The following EPHA6 variants were observed in gnomAD, a reference collection of about 807,000 sequenced individuals.
EPHA6 encodes EPH receptor A6.
Under a neutral mutation model 112.0 loss-of-function variants are expected in EPHA6, and 50 were observed. The observed-to-expected ratio is 0.45, with a 90% CI of 0.36 to 0.56. The LOEUF is 0.56. EPHA6 is among the 20% of genes least tolerant of loss of function. The probability of loss-of-function intolerance (pLI) is 0.00; values close to 1 mark genes in which losing one functional copy is unlikely to be tolerated. For missense variants in EPHA6, 1,280 were observed against 1,417.4 expected (o/e 0.90, Z 1.56); for synonymous variants, 529 against 490.7 (o/e 1.08, Z -1.03).
rs559007964 is a variant in EPHA6, at chr3:97,085,272, A to C, written c.1114+97279A>C. On this transcript the variant is annotated intron_variant, in intron 3 of 17. Transcript: ENST00000389672. Reference sequence around the variant, plus strand: ...CTTTAAACATCATTTCATGAACTCAATGTTAGGAAATGTGTGTCCTCTTCT... The same window carrying C: ...CTTTAAACATCATTTCATGAACTCACTGTTAGGAAATGTGTGTCCTCTTCT... Among the ~76,000 whole-genome samples the C allele has an allele frequency of 2.6e-5, 4 of 152,268 alleles. No individual in the cohort carries two copies. In the South Asian group the frequency reaches 6.2e-4, roughly 24 times the overall value.
At chr3:97,014,688 T>C (rs530606149) in intron 3 of EPHA6, among the ~76,000 whole-genome samples, 2 of 152,320 alleles carry the variant, frequency 1.3e-5, no homozygotes, top group African/African-American at 4.8e-5. Context: ...TACCTACTAA[T>C]GAAACATTGA....
intron 3 of EPHA6, among the ~76,000 whole-genome samples, chr3:97,094,197 A>G (rs1273475052): frequency 6.6e-6 from 1 of 152,106 alleles, no homozygotes; most frequent in Admixed American, 6.6e-5. Context: ...TATGTTGATT[A>G]TGTTATGTTT....
intron 6 of EPHA6, chr3:97,441,339 C>A: frequency 2.4e-6 from 1 of 418,976 alleles, no homozygotes; most frequent in Non-Finnish European, 3.2e-6. Flanking sequence ...TTGAGAAAAA[C>A]ATAAAATTCA....
intron 14 of EPHA6, among the ~76,000 whole-genome samples, chr3:97,664,922 C>T (rs1022335717): frequency 1.8e-4 from 28 of 152,230 alleles, no homozygotes; most frequent in African/African-American, 5.5e-4. Context: ...CAATGCCAAC[C>T]CCATCAAGCT....
intron 5 of EPHA6, among the ~76,000 whole-genome samples, chr3:97,273,708 C>T (rs1255471967): frequency 6.6e-6 from 1 of 152,094 alleles, no homozygotes; most frequent in East Asian, 1.9e-4. Flanking sequence ...ATACCAAGAG[C>T]CTGAAAAACT....
chr3:97,205,930 C>T (rs2077703413), intron 3 of EPHA6, among the ~76,000 whole-genome samples: 1 of 151,994 alleles, frequency 6.6e-6, no homozygotes, highest in African/African-American at 2.4e-5. Flanking sequence ...AGAATAAATT[C>T]AGACTTACAG....
At chr3:97,428,482 T>C (rs1313239449) in intron 6 of EPHA6, among the ~76,000 whole-genome samples, 1 of 152,224 alleles carries the variant, frequency 6.6e-6, no homozygotes, top group East Asian at 1.9e-4. Flanking sequence ...CTAGTCTCAC[T>C]AGATGTTTTA....
At chr3:97,387,377 C>A (rs762261107) in intron 5 of EPHA6, among the ~76,000 whole-genome samples, 1 of 150,224 alleles carries the variant, frequency 6.7e-6, no homozygotes, top group South Asian at 2.1e-4. Flanking sequence ...CCAGGCAACA[C>A]CTTGAATGCC....
intron 5 of EPHA6, among the ~76,000 whole-genome samples, chr3:97,299,796 G>T (rs1302658138): frequency 6.6e-6 from 1 of 152,094 alleles, no homozygotes; most frequent in Non-Finnish European, 1.5e-5. Context: ...TGAAACCCAG[G>T]ATAAAAATTG....
chr3:96,987,886 A>C lies in EPHA6; in HGVS notation c.1007A>C (p.Glu336Ala), dbSNP rs770574776. The change falls in exon 3 of 18, where the codon GAG (glutamate) becomes GCG (alanine). Residue 336 changes from glutamate (E) to alanine (A), a missense_variant. Glu to Ala is a moderately radical substitution (Grantham distance 107). This residue lies in a region of EPHA6 where 878 missense variants were observed against 999.7 expected (regional missense o/e 0.88). Transcript: ENST00000389672. Reference protein sequence around the residue: ...VRGSCVKSAEERDTPKLYCGA... With the variant: ...VRGSCVKSAEARDTPKLYCGA... ...GGTTCTTGTGTGAAGAGTGCTGAAGAGCGTGACACTCCTAAACTGTATTGT... is the reference window on the plus strand; with the variant it reads ...GGTTCTTGTGTGAAGAGTGCTGAAGCGCGTGACACTCCTAAACTGTATTGT... 1 of 1,613,826 alleles carries C rather than the reference A, an allele frequency of 6.2e-7. No individual in the cohort carries two copies. The highest frequency in any genetic ancestry group is 8.5e-7 in the Non-Finnish European group (1 of 1,179,834).
intron 11 of EPHA6, among the ~76,000 whole-genome samples, chr3:97,550,451 G>A (rs188044446): frequency 1.9e-4 from 29 of 152,244 alleles, no homozygotes; most frequent in Admixed American, 1.8e-3. Context: ...CCATATTAAA[G>A]TGGTGTCTCT....
At chr3:97,248,791 G>T (rs762550932) in intron 5 of EPHA6, among the ~76,000 whole-genome samples, 15 of 152,020 alleles carry the variant, frequency 9.9e-5, no homozygotes, top group Non-Finnish European at 2.9e-5. Flanking sequence ...ATCAACAAAA[G>T]TCTCTATATA....
intron 3 of EPHA6, among the ~76,000 whole-genome samples, chr3:97,180,981 A>C (rs113733474): frequency 0.015 from 2,227 of 152,060 alleles, 26 homozygotes; most frequent in Non-Finnish European, 0.022. Context: ...CTACCTTTCA[A>C]GTTTACTTGG....
intron 3 of EPHA6, among the ~76,000 whole-genome samples, chr3:97,047,238 T>G (rs536297948): frequency 6.6e-6 from 1 of 151,964 alleles, no homozygotes; most frequent in African/African-American, 2.4e-5. Context: ...CAGTGGCTCA[T>G]GCCTGTAATC....
chr3:97,348,784 G>A (rs1030811288), intron 5 of EPHA6, among the ~76,000 whole-genome samples: 3 of 152,010 alleles, frequency 2.0e-5, no homozygotes, highest in African/African-American at 7.2e-5. Context: ...GATAGTCTGG[G>A]AGCATAGACA....
Position 97,187,688 on chromosome 3 carries a change from G to GGAAAAGAAA in EPHA6, c.1115-38572_1115-38571insAGAAAGAAA, listed in dbSNP as rs1553718538. On this transcript the variant is annotated intron_variant, in intron 3 of 17. Transcript: ENST00000389672. ...GAAAGAAAGAAAGAGAAAGAAAGAA[G>GGAAAAGAAA]GAAAGAAAGAAAGAAAGAAAGAAAG... 2.8e-5 allele frequency among the ~76,000 whole-genome samples: 3 copies of GGAAAAGAAA among 108,076 alleles called. No individual in the cohort carries two copies. In the East Asian group the frequency reaches 8.4e-4, roughly 30 times the overall value. The allele number at this position is 108,076 out of a possible 152,430, so 70.9% of individuals were successfully genotyped here.
intron 1 of EPHA6, among the ~76,000 whole-genome samples, chr3:96,846,763 T>C (rs2318151): frequency 0.25 from 38,220 of 151,910 alleles, 9,028 homozygotes; most frequent in African/African-American, 0.6. Context: ...TGGTTTCCTA[T>C]GAAAGAAACT....
chr3:97,433,241 G>T (rs1031880562), intron 6 of EPHA6, among the ~76,000 whole-genome samples: 1 of 152,096 alleles, frequency 6.6e-6, no homozygotes. Context: ...TAAGAGTTTC[G>T]TTCTTCCTAA....
chr3:97,043,244 A>G (rs1478719762), intron 3 of EPHA6, among the ~76,000 whole-genome samples: 3 of 152,134 alleles, frequency 2.0e-5, no homozygotes, highest in Non-Finnish European at 4.4e-5. Context: ...CAGAGAGAAG[A>G]TGTAATATCT....
Sources: allele counts gnomAD v4.1 joint callset (sites outside exome capture counted in the v4.1 genomes callset), GRCh38; gene constraint gnomAD v4.1.1; regional missense constraint gnomAD v4.1.1; transcripts MANE v1.5; gene names NCBI Gene and HGNC (gene_info 2026-07-23, HGNC 2026-07-21).